The following DENND11 variants were observed in gnomAD, a reference collection of about 807,000 sequenced individuals.
DENND11 encodes the protein DENN domain containing 11.
DENND11 carries 34 observed loss-of-function variants against 49.2 expected under a neutral mutation model. That is an observed-to-expected ratio of 0.69 (90% CI 0.53 to 0.92). The LOEUF (loss-of-function observed/expected upper bound fraction) is 0.92, where lower values mean the gene tolerates loss of function less well. Among genes scored for constraint, DENND11 ranks in the 40% least tolerant of loss-of-function variants. The probability of loss-of-function intolerance (pLI) is 0.00; values close to 1 mark genes in which losing one functional copy is unlikely to be tolerated. For missense variants in DENND11, 475 were observed against 581.6 expected (o/e 0.82, Z 1.88); for synonymous variants, 238 against 230.3 (o/e 1.03, Z -0.30).
At chr7:141,664,720 C>G (rs895006460) in intron 7 of DENND11, among the ~76,000 whole-genome samples, 184 bp downstream of exon 7, 1 of 152,308 alleles carries the variant, frequency 6.6e-6, no homozygotes, top group South Asian at 2.1e-4. Context: ...ATCAGGGCAG[C>G]ATACAGGGAG....
chr7:141,692,581 G>A (rs554457116), intron 1 of DENND11, among the ~76,000 whole-genome samples: 40 of 152,176 alleles, frequency 2.6e-4, no homozygotes, highest in Admixed American at 1.6e-3. Flanking sequence ...TACATGCAAA[G>A]CAATGAAACT....
chr7:141,682,657 A>C (rs767022346), intron 3 of DENND11, among the ~76,000 whole-genome samples: 1 of 152,164 alleles, frequency 6.6e-6, no homozygotes, highest in Non-Finnish European at 1.5e-5. Flanking sequence ...GTCCCTGAAC[A>C]ATTGTATGGA....
At chr7:141,697,083 T>C (rs1056586785) in intron 1 of DENND11, among the ~76,000 whole-genome samples, 1 of 152,118 alleles carries the variant, frequency 6.6e-6, no homozygotes, top group East Asian at 1.9e-4. Context: ...GGTAGTGTGG[T>C]GTGGATAAGG....
chr7:141,693,880 A>T (rs1002444754), intron 1 of DENND11, among the ~76,000 whole-genome samples: 2 of 152,236 alleles, frequency 1.3e-5, no homozygotes, highest in East Asian at 1.9e-4. Context: ...ACTATTCTGT[A>T]TGATACTGTT....
chr7:141,680,022 T>A (rs1798125144), intron 3 of DENND11, among the ~76,000 whole-genome samples: 1 of 152,210 alleles, frequency 6.6e-6, no homozygotes, highest in South Asian at 2.1e-4. Context: ...CTATTAAAAT[T>A]ACATACATAT....
Position 141,657,296 on chromosome 7 carries a change from TC to T in DENND11, c.*5359del, listed in dbSNP as rs1346658898. The T allele has an allele frequency of 2.0e-5, 3 of 152,240 alleles. No homozygotes were observed. Among genetic ancestry groups the T allele is most frequent in the Non-Finnish European group, 4.4e-5 (3 of 68,040 alleles). The allele number at this position is 152,240 out of a possible 1,614,324, so 9.4% of individuals were successfully genotyped here. A position where few individuals can be genotyped will look rare whatever the true frequency, so the allele number is the denominator to read the frequency against. ...TCTGCTCTGTCCCTGAAGTCACTCA[TC>T]CAGGTTGGCTGCTCAAACACCAAGA... On this transcript the variant is annotated 3_prime_UTR_variant, in exon 9 of 9. Transcript: ENST00000536163.
At chr7:141,682,721 G>A (rs1798165829) in intron 3 of DENND11, among the ~76,000 whole-genome samples, 1 of 152,132 alleles carries the variant, frequency 6.6e-6, no homozygotes, top group Non-Finnish European at 1.5e-5. Context: ...TATGACATGA[G>A]CAATAATCTT....
At chr7:141,665,362 C>A in intron 5 of DENND11, 44 bp from the exon 6 acceptor site, 1 of 1,610,910 alleles carries the variant, frequency 6.2e-7, no homozygotes, top group Non-Finnish European at 8.5e-7. Context: ...TGCCCCTCCA[C>A]AGCCCTTCCT....
intron 4 of DENND11, among the ~76,000 whole-genome samples, chr7:141,666,692 CA>C (rs961055288): frequency 1.3e-5 from 2 of 152,060 alleles, no homozygotes; most frequent in African/African-American, 4.8e-5. Flanking sequence ...GCAAAGGAAA[CA>C]AAGCTAAATT....
chr7:141,675,566 C>G (rs1798050924), intron 3 of DENND11, among the ~76,000 whole-genome samples: 2 of 152,152 alleles, frequency 1.3e-5, no homozygotes, highest in Admixed American at 1.3e-4. Flanking sequence ...TTATGGTTGG[C>G]CCTGGAACAG....
chr7:141,683,628 G>A (rs1798184054), intron 3 of DENND11, among the ~76,000 whole-genome samples: 1 of 152,180 alleles, frequency 6.6e-6, no homozygotes, highest in Non-Finnish European at 1.5e-5. Context: ...GGGCGACAGA[G>A]TGAGACTCCA....
rs1464194889 is a variant in DENND11 at position 141,662,581 on chromosome 7, C to A, written c.*75G>T. The stretch of plus-strand genomic sequence containing the variant: ...TGTGTCAACTTAATAAAAAATGAGG[C>A]CCTCTGGGGCCCTGGGGTGAACTCC... On this transcript the variant is annotated 3_prime_UTR_variant, in exon 9 of 9. Transcript: ENST00000536163. 3.8e-6 allele frequency: 4 copies of A among 1,039,400 alleles called. No homozygotes were observed. The highest frequency in any genetic ancestry group is 5.3e-6 in the Non-Finnish European group (4 of 750,882). The allele number at this position is 1,039,400 out of a possible 1,614,324, so 64.4% of individuals were successfully genotyped here. A position where few individuals can be genotyped will look rare whatever the true frequency, so the allele number is the denominator to read the frequency against.
intron 1 of DENND11, among the ~76,000 whole-genome samples, chr7:141,697,983 T>C (rs1030672582): frequency 6.6e-6 from 1 of 152,160 alleles, no homozygotes; most frequent in Non-Finnish European, 1.5e-5. Context: ...GTGATCTGCC[T>C]CTCACCTTAC....
intron 4 of DENND11, 78 bp downstream of exon 4, chr7:141,673,989 T>C (rs775740645): frequency 5.4e-6 from 8 of 1,476,964 alleles, no homozygotes; most frequent in Non-Finnish European, 7.3e-6. Context: ...AAATTTTTTA[T>C]TCATTAAAAA....
chr7:141,675,333 G>T (rs1293757492), intron 3 of DENND11, among the ~76,000 whole-genome samples: 1 of 152,120 alleles, frequency 6.6e-6, no homozygotes, highest in East Asian at 1.9e-4. Context: ...CTTGACTTTG[G>T]GCTTCCAGCC....
intron 3 of DENND11, among the ~76,000 whole-genome samples, chr7:141,685,029 A>AAAATATATATATATATAT (rs1305276426): frequency 1.1e-5 from 1 of 91,542 alleles, no homozygotes; most frequent in Non-Finnish European, 2.0e-5. Flanking sequence ...AAAAAAAAAA[A>AAAATATATATATATATAT]ATATATATAT....
intron 4 of DENND11, among the ~76,000 whole-genome samples, chr7:141,667,199 G>A (rs944476554): frequency 3.3e-5 from 5 of 152,142 alleles, no homozygotes; most frequent in Non-Finnish European, 2.9e-5. Context: ...GGGATTACAG[G>A]CGTGAGCCAC....
chr7:141,693,604 T>C lies in DENND11; in HGVS notation c.269-6946A>G, dbSNP rs980513802. Among the ~76,000 whole-genome samples the C allele has an allele frequency of 3.3e-5, 5 of 152,188 alleles. No individual in the cohort carries two copies. The East Asian group carries it at 7.7e-4, about 23-fold the overall frequency. On this transcript the variant is annotated intron_variant, in intron 1 of 8. Transcript: ENST00000536163. ...TGGAAAACAACCATGATGTCCTTCA[T>C]AGGTGAATGGATAAATAAAACGTGA... is the stretch of plus-strand genomic sequence containing the variant.
At chr7:141,686,993 C>T (rs976122459) in intron 1 of DENND11, among the ~76,000 whole-genome samples, 3 of 152,112 alleles carry the variant, frequency 2.0e-5, no homozygotes, top group African/African-American at 7.2e-5. Context: ...AACCTTCCAC[C>T]CTCATTTCCT....
Sources: allele counts gnomAD v4.1 joint callset (sites outside exome capture counted in the v4.1 genomes callset), GRCh38; gene constraint gnomAD v4.1.1; transcripts MANE v1.5; gene names NCBI Gene and HGNC (gene_info 2026-07-23, HGNC 2026-07-21).